PHACTR1: variants seen among roughly 807,000 people sequenced by gnomAD.
PHACTR1 encodes RPEL repeat containing 1.
A neutral mutation model predicts 69.2 loss-of-function variants in PHACTR1; 16 were observed. That is an observed-to-expected ratio of 0.23 (90% CI 0.16 to 0.35). The LOEUF (loss-of-function observed/expected upper bound fraction) is 0.35. Among genes scored for constraint, PHACTR1 ranks in the 10% least tolerant of loss-of-function variants. The pLI is 1.00. For synonymous variants in PHACTR1, 312 were observed against 284.5 expected (o/e 1.10, Z -0.97); for missense variants, 510 against 734.7 (o/e 0.69, Z 3.54).
chr6:13,014,276 T>C (rs945999413), intron 4 of PHACTR1, among the ~76,000 whole-genome samples: 4 of 152,008 alleles, frequency 2.6e-5, no homozygotes, highest in African/African-American at 9.7e-5. Flanking sequence ...CACCCAGACA[T>C]GACAGCCGCC....
intron 5 of PHACTR1, among the ~76,000 whole-genome samples, chr6:13,116,118 A>G (rs1264488726): frequency 6.6e-6 from 1 of 152,206 alleles, no homozygotes; most frequent in Non-Finnish European, 1.5e-5. Context: ...TTCTAGATGA[A>G]TTCAATCAAC....
intron 5 of PHACTR1, among the ~76,000 whole-genome samples, chr6:13,073,144 G>A (rs1169896258): frequency 6.7e-6 from 1 of 150,326 alleles, no homozygotes; most frequent in Non-Finnish European, 1.5e-5. Flanking sequence ...GTAAGAGCCA[G>A]CTGGAAGATC....
intron 5 of PHACTR1, among the ~76,000 whole-genome samples, chr6:13,137,959 A>G (rs550545752): frequency 1.5e-4 from 23 of 152,272 alleles, no homozygotes; most frequent in Non-Finnish European, 3.2e-4. Context: ...TGAAGGCAGC[A>G]TGGAACAGCA....
At chr6:12,758,513 A>G (rs1767638944) in intron 4 of PHACTR1, among the ~76,000 whole-genome samples, 1 of 151,136 alleles carries the variant, frequency 6.6e-6, no homozygotes, top group Admixed American at 6.6e-5. Flanking sequence ...ATTTGACATT[A>G]TAAGCATTTT....
chr6:12,938,517 A>G (rs1440560145), intron 4 of PHACTR1, among the ~76,000 whole-genome samples: 1 of 152,182 alleles, frequency 6.6e-6, no homozygotes. Context: ...ACCAAGCCCT[A>G]TCTGGTGTTT....
chr6:13,268,021 C>A (rs958495790), intron 10 of PHACTR1, among the ~76,000 whole-genome samples: 1 of 152,102 alleles, frequency 6.6e-6, no homozygotes, highest in Non-Finnish European at 1.5e-5. Flanking sequence ...AATCTCAGCA[C>A]TCTGGGAGGC....
intron 4 of PHACTR1, among the ~76,000 whole-genome samples, chr6:12,991,720 G>A (rs1371897040): frequency 6.6e-6 from 1 of 152,174 alleles, no homozygotes; most frequent in Non-Finnish European, 1.5e-5. Flanking sequence ...AGGCACTGAG[G>A]AAGAAATGGA....
In PHACTR1 at chr6:13,274,117, A is replaced by AC. The variant is rs761319741; in HGVS notation, c.1447+1207dup. On this transcript the variant is annotated intron_variant, in intron 11 of 14. Transcript: ENST00000332995. ...GGGAGACCTGTTGCCTACAGCACCCACCCCCGCCCGACGCCCCCGCATGTC... is the reference window on the plus strand; with the variant it reads ...GGGAGACCTGTTGCCTACAGCACCCACCCCCCGCCCGACGCCCCCGCATGTC... The AC allele has an allele frequency of 2.1e-5, 3 of 145,692 alleles. No individual in the cohort carries two copies. The East Asian group carries it at 6.1e-4, about 29-fold the overall frequency. The allele number at this position is 145,692 out of a possible 1,614,324, so 9.0% of individuals were successfully genotyped here. A position where few individuals can be genotyped will look rare whatever the true frequency, so the allele number is the denominator to read the frequency against.
chr6:12,984,096 G>A (rs1476882909), intron 4 of PHACTR1, among the ~76,000 whole-genome samples: 2 of 152,152 alleles, frequency 1.3e-5, no homozygotes, highest in Non-Finnish European at 2.9e-5. Context: ...GGTATTTGTA[G>A]TTCTAGATCC....
chr6:13,271,698 G>T (rs115483154), intron 10 of PHACTR1, among the ~76,000 whole-genome samples: 3,051 of 145,010 alleles, frequency 0.021, 58 homozygotes, highest in Middle Eastern at 0.054. Context: ...TTTTTTGTTT[G>T]TTTTTTTTTT....
At chr6:13,084,720 A>G (rs1811992864) in intron 5 of PHACTR1, among the ~76,000 whole-genome samples, 1 of 152,012 alleles carries the variant, frequency 6.6e-6, no homozygotes, top group Non-Finnish European at 1.5e-5. Flanking sequence ...CTACATAACA[A>G]TGTATAAGAA....
chr6:13,163,926 C>CTCA (rs1349543138), intron 6 of PHACTR1, among the ~76,000 whole-genome samples: 1 of 152,018 alleles, frequency 6.6e-6, no homozygotes, highest in African/African-American at 2.4e-5. Flanking sequence ...TGTTGGTAGT[C>CTCA]TCATCATCAT....
At chr6:12,989,289 G>T (rs982533734) in intron 4 of PHACTR1, among the ~76,000 whole-genome samples, 5 of 152,192 alleles carry the variant, frequency 3.3e-5, no homozygotes, top group African/African-American at 7.2e-5. Context: ...GTCTACAGGG[G>T]GAGATAGAGA....
intron 4 of PHACTR1, among the ~76,000 whole-genome samples, chr6:12,764,370 A>C (rs1047031191): frequency 6.6e-6 from 1 of 152,206 alleles, no homozygotes; most frequent in East Asian, 1.9e-4. Flanking sequence ...GAAAAGCTCA[A>C]ATAGAACCCA....
chr6:12,994,474 T>C (rs184612282), intron 4 of PHACTR1, among the ~76,000 whole-genome samples: 53 of 152,122 alleles, frequency 3.5e-4, no homozygotes, highest in Non-Finnish European at 6.0e-4. Context: ...AGAGATCAGT[T>C]CAAAGAAGAC....
At chr6:12,929,968 T>A (rs2210515) in intron 4 of PHACTR1, among the ~76,000 whole-genome samples, 29,281 of 152,102 alleles carry the variant, frequency 0.19, 6,738 homozygotes, top group African/African-American at 0.55. Flanking sequence ...CCACTTTTTT[T>A]AAAAATAAAA....
At position 12,944,179 on chromosome 6, in the gene PHACTR1, G is replaced by A. The variant is rs77258989; in HGVS notation, c.251-109186G>A. The stretch of plus-strand genomic sequence containing the variant: ...TGGAAGGAAAGGCAGGAGGCACAGT[G>A]TGTCTGAGAATTAAGGCAATGATCG... On this transcript the variant is annotated intron_variant, in intron 4 of 14. Coordinates refer to ENST00000332995, the MANE Select transcript of PHACTR1 (RefSeq NM_030948.6). Among the ~76,000 whole-genome samples the A allele has an allele frequency of 5.3e-3, 809 of 152,332 alleles. 2 individuals carry two copies. The highest frequency in any genetic ancestry group is 8.6e-3 in the Non-Finnish European group (588 of 68,034).
At chr6:13,172,384 C>T (rs1385438179) in intron 6 of PHACTR1, among the ~76,000 whole-genome samples, 4 of 152,154 alleles carry the variant, frequency 2.6e-5, no homozygotes, top group Admixed American at 1.3e-4. Context: ...ATGCACTTGG[C>T]GTGCAGACTG....
At chr6:12,862,674 G>A (rs772885453) in intron 4 of PHACTR1, among the ~76,000 whole-genome samples, 45 of 152,062 alleles carry the variant, frequency 3.0e-4, no homozygotes, top group Non-Finnish European at 5.1e-4. Flanking sequence ...TGCTATTTGC[G>A]TTCAGCAGGG....
Sources: gnomAD v4.1 joint callset for allele counts (sites outside exome capture counted in the v4.1 genomes callset) on GRCh38, gnomAD v4.1.1 for gene constraint, MANE v1.5 for transcripts, NCBI Gene and HGNC (gene_info 2026-07-23, HGNC 2026-07-21) for gene names.